ZSWIM3: variants seen among roughly 807,000 people sequenced by gnomAD.
ZSWIM3 encodes zinc finger SWIM domain-containing protein 3.
Under a neutral mutation model 47.5 loss-of-function variants are expected in ZSWIM3, and 27 were observed. The ratio of observed to expected loss-of-function variants is 0.57; its 90% CI spans 0.42 to 0.78. ZSWIM3 has a LOEUF of 0.78. Ranked by LOEUF, ZSWIM3 falls within the 30% of genes least tolerant of loss-of-function variation. The pLI, the probability that ZSWIM3 is intolerant of heterozygous loss-of-function variation, is 0.00. For missense variants in ZSWIM3, 689 were observed against 861.3 expected, an observed-to-expected ratio of 0.80 and a Z score of 2.50; for synonymous variants, 333 against 333.9, an observed-to-expected ratio of 1.00 and a Z score of 0.03.
At chr20:45,860,901 A>T (rs183109740) in intron 1 of ZSWIM3, among the ~76,000 whole-genome samples, 406 of 152,350 alleles carry the variant, frequency 2.7e-3, no homozygotes, top group Non-Finnish European at 4.6e-3. Context: ...CCACAAGAAG[A>T]TTAATAACCT....
intron 1 of ZSWIM3, among the ~76,000 whole-genome samples, chr20:45,861,612 T>A (rs1319438926): frequency 3.3e-5 from 5 of 152,150 alleles, no homozygotes; most frequent in Admixed American, 3.3e-4. Context: ...TCTCGCTCTA[T>A]TGCCCAGGCT....
chr20:45,870,005 C>T (rs1230136866), intron 1 of ZSWIM3, among the ~76,000 whole-genome samples: 1 of 136,064 alleles, frequency 7.3e-6, no homozygotes, highest in East Asian at 2.2e-4. Context: ...GATCTTGCCA[C>T]TGCACTCCAG....
chr20:45,864,853 T>C (rs189504515), intron 1 of ZSWIM3, among the ~76,000 whole-genome samples: 116 of 151,526 alleles, frequency 7.7e-4, no homozygotes, highest in African/African-American at 2.7e-3. Context: ...AGAGTGAGAC[T>C]CCATCTCAAA....
Position 45,857,792 on chromosome 20 carries a change from G to C in ZSWIM3, c.-34G>C. ...CTGGTGTGATCTTGGGCCCGGGCTG[G>C]GACCAGCCCCTAGTGTGGGTTGTGG... On this transcript the variant is annotated 5_prime_UTR_variant, in exon 1 of 2. Coordinates refer to ENST00000255152, the MANE Select transcript of ZSWIM3 (RefSeq NM_080752.4). 1 of 1,607,638 alleles carries C rather than the reference G, an allele frequency of 6.2e-7. No individual in the cohort carries two copies. The highest frequency in any genetic ancestry group is 8.5e-7 in the Non-Finnish European group (1 of 1,176,040).
intron 1 of ZSWIM3, among the ~76,000 whole-genome samples, chr20:45,870,629 A>G (rs1985953207): frequency 6.6e-6 from 1 of 152,140 alleles, no homozygotes; most frequent in African/African-American, 2.4e-5. Context: ...AGAGAGAAGA[A>G]ATTGGAGGCT....
chr20:45,869,474 A>G (rs1015960085), intron 1 of ZSWIM3, among the ~76,000 whole-genome samples: 2 of 151,582 alleles, frequency 1.3e-5, no homozygotes, highest in Non-Finnish European at 2.9e-5. Context: ...AGGCGAGATC[A>G]TGCCACGGCA....
Position 45,878,290 on chromosome 20 carries a change from G to A in ZSWIM3, c.1732G>A (p.Ala578Thr). ...LHTSQQPVGE[A>T]MVCRRWQKKY... ...CACCAGCCAGCAGCCGGTTGGTGAA[G>A]CCATGGTGTGCCGCCGGTGGCAGAA... The change falls in exon 2 of 2, where the codon GCC (alanine) becomes ACC (threonine). Residue 578 changes from alanine to threonine, a missense_variant. Coordinates refer to ENST00000255152, the MANE Select transcript of ZSWIM3 (RefSeq NM_080752.4). 1 of 1,614,254 alleles carries A rather than the reference G, an allele frequency of 6.2e-7. No individual in the cohort carries two copies. Among genetic ancestry groups the A allele is most frequent in the Non-Finnish European group, 8.5e-7 (1 of 1,180,048 alleles).
At chr20:45,871,324 A>G (rs1045180757) in intron 1 of ZSWIM3, among the ~76,000 whole-genome samples, 1 of 152,122 alleles carries the variant, frequency 6.6e-6, no homozygotes, top group Non-Finnish European at 1.5e-5. Context: ...TACTCTGTAG[A>G]TGTTTGTGTT....
At chr20:45,876,690 C>T (rs372629998) in intron 1 of ZSWIM3, 24 bp from the exon 2 acceptor site, 13 of 1,594,176 alleles carry the variant, frequency 8.2e-6, no homozygotes, top group Non-Finnish European at 9.4e-6. Flanking sequence ...GCACCTTTCT[C>T]ATTGTTACCT....
chr20:45,874,674 G>A (rs899443648), intron 1 of ZSWIM3, among the ~76,000 whole-genome samples: 1 of 152,152 alleles, frequency 6.6e-6, no homozygotes, highest in African/African-American at 2.4e-5. Flanking sequence ...AAGAGACAGC[G>A]GTAGTTCCCA....
At position 45,877,762 on chromosome 20, in the gene ZSWIM3, G is replaced by A. The variant is rs1163493516; in HGVS notation, c.1204G>A (p.Val402Met). ...CAGCCTAGACATTGTCACCAGCAAG[G>A]TGTCAAGCCTCTTTCGGGAACAGCA... ...MDSLDIVTSKVSSLFREQQSL... is the reference protein window; with the variant it reads ...MDSLDIVTSKMSSLFREQQSL... The change falls in exon 2 of 2, where the codon GTG (valine) becomes ATG (methionine). Residue 402 changes from valine to methionine, a missense_variant. By Grantham distance (21) the Val-to-Met change is conservative. Transcript: ENST00000255152. 6.2e-7 allele frequency: 1 copy of A among 1,614,016 alleles called. No homozygotes were observed. The highest frequency in any genetic ancestry group is 8.5e-7 in the Non-Finnish European group (1 of 1,180,000).
At position 45,878,445 on chromosome 20, in the gene ZSWIM3, G is replaced by C. The variant is rs1386622817; in HGVS notation, c.1887G>C (p.Leu629=). 13 of 1,614,112 alleles carry C rather than the reference G, an allele frequency of 8.1e-6. 1 individual carries two copies. The South Asian group carries it at 1.2e-4, about 15-fold the overall frequency. ...IQDLSRELAN[L]LMQTEGPELE... ...ACCTAAGCAGGGAGTTAGCAAACCTGCTCATGCAGACCGAGGGGCCAGAGC... is the reference window on the plus strand; with the variant it reads ...ACCTAAGCAGGGAGTTAGCAAACCTCCTCATGCAGACCGAGGGGCCAGAGC... The change falls in exon 2 of 2, where the codon CTG becomes CTC. Residue 629 remains leucine (L), a synonymous_variant. Transcript: ENST00000255152.
At position 45,877,820 on chromosome 20, in the gene ZSWIM3, A is replaced by C; in HGVS notation, c.1262A>C (p.Asp421Ala). Residue 421 changes from aspartate to alanine, a missense_variant, in exon 2 of 2, where the codon GAT becomes GCT. Coordinates refer to ENST00000255152, the MANE Select transcript of ZSWIM3 (RefSeq NM_080752.4). ...CTGGACTGCATCCTCTGCTTTGTGG[A>C]TTACATAGACTTCTTTAATACCAAA... ...SLLDCILCFV[D>A]YIDFFNTKGL... 1 of 1,614,112 alleles carries C rather than the reference A, an allele frequency of 6.2e-7. No homozygotes were observed. The highest frequency in any genetic ancestry group is 8.5e-7 in the Non-Finnish European group (1 of 1,180,012).
At chr20:45,870,202 C>T (rs181035492) in intron 1 of ZSWIM3, among the ~76,000 whole-genome samples, 6 of 150,648 alleles carry the variant, frequency 4.0e-5, no homozygotes, top group African/African-American at 1.2e-4. Flanking sequence ...ATTAGCCGGG[C>T]ACGGTAGCAT....
At chr20:45,871,049 G>T (rs1372858079) in intron 1 of ZSWIM3, among the ~76,000 whole-genome samples, 1 of 152,142 alleles carries the variant, frequency 6.6e-6, no homozygotes, top group East Asian at 1.9e-4. Context: ...AACTTAATGA[G>T]TGCTAGGTTG....
At chr20:45,860,276 A>G (rs1223814318) in intron 1 of ZSWIM3, among the ~76,000 whole-genome samples, 1 of 152,110 alleles carries the variant, frequency 6.6e-6, no homozygotes, top group Admixed American at 6.5e-5. Flanking sequence ...GCACTTTGGG[A>G]GGCCAAGGTG....
In ZSWIM3 at chr20:45,877,047, G is replaced by A; in HGVS notation, c.489G>A (p.Gln163=). Residue 163 remains glutamine, a synonymous_variant, in exon 2 of 2, where the codon CAG becomes CAA. Coordinates refer to ENST00000255152, the MANE Select transcript of ZSWIM3 (RefSeq NM_080752.4). ...DKVQVSSKPE[Q]EGITPSDLAK... ...TACAAGTGTCCTCAAAGCCAGAGCA[G>A]GAAGGCATCACTCCTTCTGACCTGG... 2 of 1,614,206 alleles carry A rather than the reference G, an allele frequency of 1.2e-6. No homozygotes were observed. The highest frequency in any genetic ancestry group is 1.1e-5 in the South Asian group (1 of 91,086).
In ZSWIM3 at chr20:45,877,331, C is replaced by T. The variant is rs779247942; in HGVS notation, c.773C>T (p.Thr258Ile). ...CACTTTGCTGTGCTCAAGGCGGAGA[C>T]AGTCACCTCTGTGGCCAAGATGCTG... is the stretch of plus-strand genomic sequence containing the variant. The part of the protein sequence containing the change: ...VVHFAVLKAE[T>I]VTSVAKMLSI... The change falls in exon 2 of 2, where the codon ACA (threonine) becomes ATA (isoleucine). Residue 258 changes from threonine to isoleucine, a missense_variant. Thr to Ile is a moderately conservative substitution (Grantham distance 89). Coordinates refer to ENST00000255152, the MANE Select transcript of ZSWIM3 (RefSeq NM_080752.4). 3.7e-6 allele frequency: 6 copies of T among 1,614,068 alleles called. No homozygotes were observed. The Admixed American group carries it at 8.3e-5, about 22-fold the overall frequency.
At chr20:45,859,070 A>G (rs891579407) in intron 1 of ZSWIM3, among the ~76,000 whole-genome samples, 1 of 152,206 alleles carries the variant, frequency 6.6e-6, no homozygotes, top group African/African-American at 2.4e-5. Context: ...GATGGCTGCC[A>G]TATGAAAATA....
Sources: allele counts gnomAD v4.1 joint callset (sites outside exome capture counted in the v4.1 genomes callset), GRCh38; gene constraint gnomAD v4.1.1; transcripts MANE v1.5; gene names NCBI Gene and HGNC (gene_info 2026-07-23, HGNC 2026-07-21).